The following SYK variants were observed in gnomAD, a reference collection of about 807,000 sequenced individuals.
The protein encoded by SYK is tyrosine-protein kinase SYK.
Under a neutral mutation model 77.8 loss-of-function variants are expected in SYK, and 16 were observed. That is an observed-to-expected ratio of 0.21 (90% CI 0.14 to 0.31). The LOEUF (loss-of-function observed/expected upper bound fraction) is 0.31, where lower values mean the gene tolerates loss of function less well. SYK is among the 10% of genes least tolerant of loss of function. The pLI is 1.00. For missense variants in SYK, 529 were observed against 814.4 expected, an observed-to-expected ratio of 0.65 and a Z score of 4.26; for synonymous variants, 312 against 308.7, an observed-to-expected ratio of 1.01 and a Z score of -0.11.
intron 13 of SYK, among the ~76,000 whole-genome samples, chr9:90,891,252 ACTC>A (rs1185979895): frequency 1.4e-5 from 2 of 146,258 alleles, no homozygotes; most frequent in African/African-American, 5.1e-5. Context: ...TTCACACCAT[ACTC>A]CTGCCTCAGC....
At chr9:90,878,459 A>T (rs1475243138) in intron 10 of SYK, among the ~76,000 whole-genome samples, 1 of 152,172 alleles carries the variant, frequency 6.6e-6, no homozygotes, top group Non-Finnish European at 1.5e-5. Context: ...GACCTGTGTG[A>T]TACTGGAACA....
At position 90,896,615 on chromosome 9, in the gene SYK, C is replaced by T. The variant is rs201197144; in HGVS notation, c.*1015C>T. On this transcript the variant is annotated 3_prime_UTR_variant, in exon 14 of 14. Transcript: ENST00000375754. ...AACAAGCCAAAGACCCTGAGCCTCA[C>T]CACAAACAGGCCTTTTGGAGTGTGA... The T allele has an allele frequency of 8.6e-6, 2 of 232,810 alleles. No individual in the cohort carries two copies. The highest frequency in any genetic ancestry group is 2.2e-5 in the African/African-American group (1 of 45,326). The allele number at this position is 232,810 out of a possible 1,614,324, so 14.4% of individuals were successfully genotyped here.
At chr9:90,850,206 G>A (rs1826764065) in intron 3 of SYK, among the ~76,000 whole-genome samples, 1 of 152,196 alleles carries the variant, frequency 6.6e-6, no homozygotes, top group East Asian at 1.9e-4. Flanking sequence ...CTTTTATGAA[G>A]TGACAGACTT....
chr9:90,816,931 G>A (rs1355209899), intron 1 of SYK, among the ~76,000 whole-genome samples: 2 of 152,120 alleles, frequency 1.3e-5, no homozygotes, highest in Admixed American at 6.5e-5. Flanking sequence ...TTCCTTAGCC[G>A]TTTATTCCTT....
At chr9:90,803,093 A>G (rs576894563) in intron 1 of SYK, among the ~76,000 whole-genome samples, 1 of 152,312 alleles carries the variant, frequency 6.6e-6, no homozygotes, top group Admixed American at 6.5e-5. Context: ...ATACATGTAA[A>G]TTATTAAGTG....
At position 90,866,620 on chromosome 9, in the gene SYK, C is replaced by A. The variant is rs925144379; in HGVS notation, c.847-511C>A. ...AATGTCAAGCCCTGTGCTTAGCCAT[C>A]ATCACCCAATGACTACAAGAAGTTA... is the stretch of plus-strand genomic sequence containing the variant. On this transcript the variant is annotated intron_variant, in intron 6 of 13. Coordinates refer to ENST00000375754, the MANE Select transcript of SYK (RefSeq NM_003177.7). Among the ~76,000 whole-genome samples the A allele has an allele frequency of 3.9e-5, 6 of 152,190 alleles. No homozygotes were observed. The South Asian group carries it at 1.2e-3, about 32-fold the overall frequency.
At chr9:90,864,409 G>T (rs188028255) in intron 4 of SYK, among the ~76,000 whole-genome samples, 180 bp from the exon 5 acceptor site, 5 of 152,324 alleles carry the variant, frequency 3.3e-5, no homozygotes, top group Admixed American at 2.0e-4. Context: ...CAAGAGGGGG[G>T]ATCCCTAGCT....
chr9:90,872,492 TGGGCAAAAGA>T (rs1827769718), intron 7 of SYK, among the ~76,000 whole-genome samples: 1 of 152,206 alleles, frequency 6.6e-6, no homozygotes, highest in African/African-American at 2.4e-5. Flanking sequence ...GGGAGAAAAC[TGGGCAAAAGA>T]GGAGGACAGA....
Position 90,884,704 on chromosome 9 carries a change from T to C in SYK, c.1582-3045T>C, listed in dbSNP as rs796274626. Among the ~76,000 whole-genome samples, 5 of 24,682 alleles carry C rather than the reference T, an allele frequency of 2.0e-4. 2 individuals carry two copies. Among genetic ancestry groups the C allele is most frequent in the African/African-American group, 6.4e-4 (2 of 3,116 alleles). 16.2% of individuals were successfully genotyped at this position (24,682 alleles called of 152,430 possible). Reference sequence around the variant, plus strand: ...ACACATATACACATATGTGTACATGTACATATACACATATACACATATGTG... The same window carrying C: ...ACACATATACACATATGTGTACATGCACATATACACATATACACATATGTG... On this transcript the variant is annotated intron_variant, in intron 11 of 13. Transcript: ENST00000375754.
intron 4 of SYK, among the ~76,000 whole-genome samples, chr9:90,863,969 T>C (rs1827370248): frequency 6.6e-6 from 1 of 152,238 alleles, no homozygotes; most frequent in South Asian, 2.1e-4. Flanking sequence ...ATAGCATTCA[T>C]CCCTAATTAA....
intron 3 of SYK, among the ~76,000 whole-genome samples, chr9:90,857,638 A>G (rs1248962310): frequency 6.6e-6 from 1 of 152,146 alleles, no homozygotes; most frequent in East Asian, 1.9e-4. Context: ...TCTTTCATGG[A>G]TCAGTAAAGC....
chr9:90,874,550 C>T (rs1176427451), intron 8 of SYK, 122 bp from the exon 9 acceptor site: 1 of 1,275,086 alleles, frequency 7.8e-7, no homozygotes, highest in African/African-American at 1.5e-5. Flanking sequence ...TTCAGAATTT[C>T]TCATCCCTTG....
intron 1 of SYK, among the ~76,000 whole-genome samples, chr9:90,840,481 G>A (rs567508888): frequency 3.3e-5 from 5 of 151,626 alleles, no homozygotes; most frequent in South Asian, 4.2e-4. Context: ...CACCGCGCCC[G>A]GCCAAGGCGG....
intron 1 of SYK, among the ~76,000 whole-genome samples, chr9:90,811,513 C>T (rs1825069984): frequency 6.6e-6 from 1 of 152,070 alleles, no homozygotes; most frequent in African/African-American, 2.4e-5. Flanking sequence ...ATGTTGGAAT[C>T]CTATGCAGTC....
intron 2 of SYK, 52 bp downstream of exon 2, chr9:90,844,367 C>T (rs1426975817): frequency 6.7e-7 from 1 of 1,483,070 alleles, no homozygotes; most frequent in Admixed American, 2.5e-5. Context: ...TGTGACCCCA[C>T]ACAGACTTCC....
At chr9:90,814,966 T>A (rs982392365) in intron 1 of SYK, among the ~76,000 whole-genome samples, 1 of 152,194 alleles carries the variant, frequency 6.6e-6, no homozygotes, top group Non-Finnish European at 1.5e-5. Context: ...AGAAAGCTAC[T>A]AAGTCATGTA....
intron 7 of SYK, among the ~76,000 whole-genome samples, chr9:90,869,865 T>C (rs1233908815): frequency 1.3e-5 from 2 of 152,204 alleles, no homozygotes; most frequent in Non-Finnish European, 2.9e-5. Context: ...CCCAGCACTT[T>C]GGGAGGCCGA....
At chr9:90,862,741 A>G (rs542702332) in intron 4 of SYK, among the ~76,000 whole-genome samples, 73 of 152,344 alleles carry the variant, frequency 4.8e-4, no homozygotes, top group African/African-American at 1.7e-3. Flanking sequence ...TTCCTAGGAT[A>G]TTCTAACTAG....
At chr9:90,828,370 A>G (rs981331446) in intron 1 of SYK, among the ~76,000 whole-genome samples, 4 of 152,092 alleles carry the variant, frequency 2.6e-5, no homozygotes, top group African/African-American at 9.7e-5. Context: ...CCCAGATAAA[A>G]GCAATATAGT....
Sources: gnomAD v4.1 joint callset for allele counts (sites outside exome capture counted in the v4.1 genomes callset) on GRCh38, gnomAD v4.1.1 for gene constraint, MANE v1.5 for transcripts, NCBI Gene and HGNC (gene_info 2026-07-23, HGNC 2026-07-21) for gene names.